Variants in MALRD1 observed in about 807,000 individuals in gnomAD.
MALRD1 encodes MAM and LDL-receptor class A domain-containing protein 1.
A neutral mutation model predicts 242.1 loss-of-function variants in MALRD1; 247 were observed. The ratio of observed to expected loss-of-function variants is 1.02; its 90% CI spans 0.92 to 1.13. The LOEUF (loss-of-function observed/expected upper bound fraction) is 1.13. Among genes scored for constraint, MALRD1 ranks in the 50% most tolerant of loss-of-function variants. The pLI is 0.00. For synonymous variants in MALRD1, 995 were observed against 866.6 expected, an observed-to-expected ratio of 1.15 and a Z score of -2.60; for missense variants, 2,989 against 2,533.1, an observed-to-expected ratio of 1.18 and a Z score of -3.86.
chr10:19,701,166 A>G (rs1765333193), intron 38 of MALRD1, among the ~76,000 whole-genome samples: 1 of 152,058 alleles, frequency 6.6e-6, no homozygotes, highest in Admixed American at 6.6e-5. Context: ...ATAACATAAA[A>G]TAAATTAAAA....
Position 19,283,176 on chromosome 10 carries a change from T to C in MALRD1, c.3414T>C (p.His1138=), listed in dbSNP as rs758323568. ...GEENHRPSVD[H]TQNTTDGWYL... is the part of the protein sequence containing the mutation. ...AAAACCACAGGCCATCAGTGGATCA[T>C]ACACAGTAAGTGACCATGTATTTTG... The change falls in exon 21 of 40, where the codon CAT becomes CAC. Residue 1138 remains histidine (H), a synonymous_variant. Coordinates refer to ENST00000454679, the MANE Select transcript of MALRD1 (RefSeq NM_001142308.3). 3 of 1,541,112 alleles carry C rather than the reference T, an allele frequency of 1.9e-6. No homozygotes were observed.
In MALRD1 at chr10:19,386,042, C is replaced by G. The variant is rs148401683; in HGVS notation, c.4442-1486C>G. 1.6e-4 allele frequency among the ~76,000 whole-genome samples: 25 copies of G among 152,230 alleles called. No individual in the cohort carries two copies. In the East Asian group the frequency reaches 4.1e-3, roughly 25 times the overall value. On this transcript the variant is annotated intron_variant, in intron 26 of 39. Coordinates refer to ENST00000454679, the MANE Select transcript of MALRD1 (RefSeq NM_001142308.3). ...GTCCACCTAATTAGGCAACCTCAAA[C>G]AGTTCAGGAACAGCATAACACTCAA...
chr10:19,102,073 T>C (rs934277411), intron 4 of MALRD1, among the ~76,000 whole-genome samples: 75 of 143,090 alleles, frequency 5.2e-4, no homozygotes, highest in Middle Eastern at 4.3e-3. Flanking sequence ...AATTATAACA[T>C]ATATATGGTA....
chr10:19,151,434 A>T (rs1184289258), intron 11 of MALRD1, among the ~76,000 whole-genome samples: 3 of 152,122 alleles, frequency 2.0e-5, no homozygotes, highest in African/African-American at 7.2e-5. Flanking sequence ...TTATACATAT[A>T]TATTTTATTT....
intron 29 of MALRD1, among the ~76,000 whole-genome samples, chr10:19,452,826 T>C (rs1263301104): frequency 6.6e-6 from 1 of 152,158 alleles, no homozygotes; most frequent in Non-Finnish European, 1.5e-5. Flanking sequence ...AGAAAGGCAC[T>C]TTATCATAGT....
chr10:19,505,972 G>C (rs1257632269), intron 31 of MALRD1, among the ~76,000 whole-genome samples: 3 of 152,132 alleles, frequency 2.0e-5, no homozygotes, highest in African/African-American at 7.2e-5. Context: ...TAATAGCTGG[G>C]TCCCACCCAC....
At chr10:19,352,455 C>T (rs939057292) in intron 26 of MALRD1, among the ~76,000 whole-genome samples, 158 bp downstream of exon 26, 2 of 147,408 alleles carry the variant, frequency 1.4e-5, no homozygotes, top group African/African-American at 2.6e-5. Flanking sequence ...ATTTCTCAAG[C>T]CTTTATTCAT....
intron 4 of MALRD1, among the ~76,000 whole-genome samples, chr10:19,088,647 A>G (rs1268643590): frequency 9.1e-6 from 1 of 109,484 alleles, no homozygotes; most frequent in Admixed American, 1.0e-4. Flanking sequence ...CAGGTTAGTT[A>G]CATATGTATA....
At chr10:19,113,660 T>G (rs1479560670) in intron 5 of MALRD1, among the ~76,000 whole-genome samples, 3 of 151,940 alleles carry the variant, frequency 2.0e-5, no homozygotes, top group Admixed American at 6.6e-5. Flanking sequence ...TTTCTTTTTT[T>G]TCTTTGTTTT....
Position 19,561,676 on chromosome 10 carries a change from T to G in MALRD1, c.5479-5826T>G, listed in dbSNP as rs113508954. Among the ~76,000 whole-genome samples the G allele has an allele frequency of 3.4e-3, 512 of 151,978 alleles. 3 individuals are homozygous for G. The highest frequency in any genetic ancestry group is 5.4e-3 in the Non-Finnish European group (370 of 68,002). On this transcript the variant is annotated intron_variant, in intron 32 of 39. Coordinates refer to ENST00000454679, the MANE Select transcript of MALRD1 (RefSeq NM_001142308.3). Reference sequence around the variant, plus strand: ...TTAGGTCTCAGTCTTTTAGCGAGACTGTGCCCTGAGTTGTGTCCTTTACAA... The same window carrying G: ...TTAGGTCTCAGTCTTTTAGCGAGACGGTGCCCTGAGTTGTGTCCTTTACAA...
intron 36 of MALRD1, among the ~76,000 whole-genome samples, chr10:19,670,408 C>A (rs1237567249): frequency 1.3e-5 from 2 of 152,140 alleles, no homozygotes; most frequent in African/African-American, 4.8e-5. Context: ...GAAACCCATT[C>A]CTCCTTCTCT....
intron 4 of MALRD1, among the ~76,000 whole-genome samples, chr10:19,097,215 A>C (rs1836071865): frequency 6.6e-6 from 1 of 152,190 alleles, no homozygotes; most frequent in Admixed American, 6.5e-5. Context: ...GAGTTAAATA[A>C]CCTACTAAAT....
intron 38 of MALRD1, chr10:19,730,462 G>C (rs1290541039): frequency 1.9e-6 from 1 of 531,526 alleles, no homozygotes; most frequent in Non-Finnish European, 3.4e-6. Flanking sequence ...TTATTTGCCT[G>C]AGTTTATTTG....
rs377705911 is a variant in MALRD1, at chr10:19,581,444, C to T, written c.5680+13741C>T. Among the ~76,000 whole-genome samples the T allele has an allele frequency of 3.7e-4, 55 of 149,820 alleles. No homozygotes were observed. The East Asian group carries it at 9.6e-3, about 26-fold the overall frequency. On this transcript the variant is annotated intron_variant, in intron 33 of 39. Coordinates refer to ENST00000454679, the MANE Select transcript of MALRD1 (RefSeq NM_001142308.3). ...TCCATGTGTTCTCATTGTTCAATTC[C>T]CACCTATGAATGAGAATATGTGGTG...
intron 36 of MALRD1, among the ~76,000 whole-genome samples, chr10:19,661,348 C>T (rs924506006): frequency 1.3e-5 from 2 of 152,116 alleles, no homozygotes; most frequent in Non-Finnish European, 2.9e-5. Context: ...ATGTTTATTG[C>T]AGCACTATTC....
chr10:19,500,058 T>C (rs1048468405), intron 31 of MALRD1, among the ~76,000 whole-genome samples: 1 of 152,192 alleles, frequency 6.6e-6, no homozygotes. Flanking sequence ...TCAGGGATAT[T>C]GGCCTGTAGT....
chr10:19,206,602 G>A (rs879583722), intron 17 of MALRD1, among the ~76,000 whole-genome samples: 1 of 152,122 alleles, frequency 6.6e-6, no homozygotes, highest in Non-Finnish European at 1.5e-5. Flanking sequence ...TACTTCTTGC[G>A]ATTATGGATT....
At chr10:19,534,739 G>A (rs1201203280) in intron 32 of MALRD1, among the ~76,000 whole-genome samples, 4 of 151,938 alleles carry the variant, frequency 2.6e-5, no homozygotes, top group Admixed American at 2.0e-4. Flanking sequence ...CTATCAGTTT[G>A]CAATTATGAA....
At chr10:19,049,995 T>TGA (rs1834436550) in intron 1 of MALRD1, among the ~76,000 whole-genome samples, 1 of 152,136 alleles carries the variant, frequency 6.6e-6, no homozygotes, top group South Asian at 2.1e-4. Context: ...AGGGGCTCAT[T>TGA]GAGAGTTCAT....
Sources: allele counts gnomAD v4.1 joint callset (sites outside exome capture counted in the v4.1 genomes callset), GRCh38; gene constraint gnomAD v4.1.1; transcripts MANE v1.5; gene names NCBI Gene and HGNC (gene_info 2026-07-23, HGNC 2026-07-21).